Variants in PDCD6 observed in about 807,000 individuals in gnomAD.
PDCD6 encodes the protein programmed cell death 6, also known as programmed cell death protein 6.
PDCD6 carries 12 observed loss-of-function variants against 28.3 expected under a neutral mutation model. The ratio of observed to expected loss-of-function variants is 0.42; its 90% CI spans 0.27 to 0.69. The LOEUF is 0.69. Ranked by LOEUF, PDCD6 falls within the 30% of genes least tolerant of loss-of-function variation. The pLI is 0.22. For synonymous variants in PDCD6, 92 were observed against 108.0 expected, an observed-to-expected ratio of 0.85 and a Z score of 0.92; for missense variants, 226 against 269.9, an observed-to-expected ratio of 0.84 and a Z score of 1.14.
rs1741159285 is a variant in PDCD6 at position 314,729 on chromosome 5, T to C, written c.*214T>C. 1 of 649,832 alleles carries C rather than the reference T, an allele frequency of 1.5e-6. No individual in the cohort carries two copies. The highest frequency in any genetic ancestry group is 1.8e-5 in the African/African-American group (1 of 56,214). The allele number at this position is 649,832 out of a possible 1,614,324, so 40.3% of individuals were successfully genotyped here. On this transcript the variant is annotated 3_prime_UTR_variant, in exon 6 of 6. Coordinates refer to ENST00000264933, the MANE Select transcript of PDCD6 (RefSeq NM_013232.4). Reference sequence around the variant, plus strand: ...GTTCTAATGCAGACATTGGATTTGGTGACTGTCTCATTGTGCCATGAGGTA... The same window carrying C: ...GTTCTAATGCAGACATTGGATTTGGCGACTGTCTCATTGTGCCATGAGGTA...
At chr5:290,119 C>A (rs1241420291) in intron 2 of PDCD6, 1 of 1,578,204 alleles carries the variant, frequency 6.3e-7, no homozygotes, top group East Asian at 2.2e-5. Context: ...GTTGGGAGGA[C>A]CTCTTGGCTC....
chr5:280,786 G>T (rs540143189), intron 2 of PDCD6, among the ~76,000 whole-genome samples: 1 of 148,532 alleles, frequency 6.7e-6, no homozygotes, highest in East Asian at 2.0e-4. Context: ...GGGCAGGGCC[G>T]TGCTGGGCAC....
chr5:302,036 A>G (rs1211268492), intron 2 of PDCD6, among the ~76,000 whole-genome samples: 1 of 132,386 alleles, frequency 7.6e-6, no homozygotes, highest in Non-Finnish European at 1.6e-5. Flanking sequence ...GCTTCCCTGC[A>G]TAACTGCTGG....
intron 2 of PDCD6, chr5:288,992 A>C: frequency 8.0e-7 from 1 of 1,255,084 alleles, no homozygotes; most frequent in African/African-American, 1.5e-5. Flanking sequence ...CTTCGTTTTC[A>C]TTACCTTCGG....
intron 2 of PDCD6, among the ~76,000 whole-genome samples, chr5:280,065 G>A (rs1277646000): frequency 6.6e-6 from 1 of 151,052 alleles, no homozygotes; most frequent in Non-Finnish European, 1.5e-5. Context: ...AGTAAACCCC[G>A]ATAGAGAGGG....
At chr5:311,905 A>G in intron 5 of PDCD6, 2 of 161,940 alleles carry the variant, frequency 1.2e-5, no homozygotes, top group Non-Finnish European at 2.7e-5. Flanking sequence ...GGCTGATCTC[A>G]AACTCCTGAC....
intron 2 of PDCD6, among the ~76,000 whole-genome samples, chr5:295,607 C>T (rs12186901): frequency 0.36 from 50,160 of 138,946 alleles, 8,893 homozygotes; most frequent in Non-Finnish European, 0.46. Flanking sequence ...CATGATTCTC[C>T]GTGATGTTGC....
chr5:277,457 A>C (rs544764788), intron 2 of PDCD6, among the ~76,000 whole-genome samples: 2 of 151,778 alleles, frequency 1.3e-5, no homozygotes, highest in Non-Finnish European at 2.9e-5. Flanking sequence ...ACCCGCCACC[A>C]TGCCTGGCTA....
At position 311,391 on chromosome 5, in the gene PDCD6, ATCG is replaced by A; in HGVS notation, c.469_471del (p.Val157del). ...CTTCGACGACTTCATCCAGGGCTGC[ATCG>A]TCCTGCAGGTGACGGAATGGCTTCA... On this transcript the variant is annotated inframe_deletion, in exon 5 of 6. Transcript: ENST00000264933. 1 of 1,612,012 alleles carries A rather than the reference ATCG, an allele frequency of 6.2e-7. No homozygotes were observed. Among genetic ancestry groups the A allele is most frequent in the South Asian group, 1.1e-5 (1 of 90,994 alleles).
intron 2 of PDCD6, among the ~76,000 whole-genome samples, chr5:287,813 G>A (rs1739066525): frequency 6.6e-6 from 1 of 152,116 alleles, no homozygotes; most frequent in Admixed American, 6.5e-5. Flanking sequence ...CAGTACAATG[G>A]TGTTTCATAC....
At chr5:273,000 G>A in intron 2 of PDCD6, 1 of 676,420 alleles carries the variant, frequency 1.5e-6, no homozygotes, top group Middle Eastern at 2.9e-4. Flanking sequence ...TGAGCACAGG[G>A]AAAGGCTTCT....
intron 2 of PDCD6, among the ~76,000 whole-genome samples, chr5:298,699 CTCAGCTGCTCCCA>C: frequency 1.6e-5 from 2 of 124,270 alleles, no homozygotes; most frequent in Non-Finnish European, 1.7e-5. Context: ...GCTGCTCCCA[CTCAGCTGCTCCCA>C]CCCAGCTGCT....
chr5:291,095 T>A (rs1240234190), intron 2 of PDCD6, among the ~76,000 whole-genome samples: 4 of 152,090 alleles, frequency 2.6e-5, no homozygotes, highest in Non-Finnish European at 5.9e-5. Context: ...GAGTCCCGGG[T>A]CCCTTCCCTT....
intron 2 of PDCD6, among the ~76,000 whole-genome samples, chr5:287,436 C>T (rs576677503): frequency 8.5e-4 from 125 of 147,750 alleles, no homozygotes; most frequent in African/African-American, 2.9e-3. Context: ...TCCTTTTTCT[C>T]TTACACAGTT....
intron 2 of PDCD6, among the ~76,000 whole-genome samples, chr5:273,716 A>T (rs1737993557): frequency 6.6e-6 from 1 of 152,136 alleles, no homozygotes. Flanking sequence ...ATTCAGCCTT[A>T]CTGCCTAATG....
At chr5:303,924 G>A (rs62329994) in intron 2 of PDCD6, among the ~76,000 whole-genome samples, 21,794 of 148,660 alleles carry the variant, frequency 0.15, 2,446 homozygotes, top group African/African-American at 0.41. Context: ...GTCCAGCCGC[G>A]ATGACTGTGG....
chr5:307,610 G>A lies in PDCD6; in HGVS notation c.367+850G>A, dbSNP rs920592167. ...CAGAGGAACAACGGGCATGTTTGGGGCCAGCCTGAGGCTGTTGGTGGCTGC... is the reference window on the plus strand; with the variant it reads ...CAGAGGAACAACGGGCATGTTTGGGACCAGCCTGAGGCTGTTGGTGGCTGC... On this transcript the variant is annotated intron_variant, in intron 4 of 5. Coordinates refer to ENST00000264933, the MANE Select transcript of PDCD6 (RefSeq NM_013232.4). The surrounding 1 kb of genome is among the most constrained non-coding windows in gnomAD (Gnocchi z 6.1). Among the ~76,000 whole-genome samples the A allele has an allele frequency of 1.2e-4, 18 of 152,144 alleles. No individual in the cohort carries two copies. Among genetic ancestry groups the A allele is most frequent in the African/African-American group, 4.1e-4 (17 of 41,434 alleles).
Position 307,626 on chromosome 5 carries a change from T to C in PDCD6, c.367+866T>C, listed in dbSNP as rs1347509563. 6.6e-6 allele frequency among the ~76,000 whole-genome samples: 1 copy of C among 152,194 alleles called. No individual in the cohort carries two copies. The highest frequency in any genetic ancestry group is 2.4e-5 in the African/African-American group (1 of 41,444). ...ATGTTTGGGGCCAGCCTGAGGCTGT[T>C]GGTGGCTGCACCGAGATTCTAATCC... On this transcript the variant is annotated intron_variant, in intron 4 of 5. Coordinates refer to ENST00000264933, the MANE Select transcript of PDCD6 (RefSeq NM_013232.4). The surrounding 1 kb of genome is among the most constrained non-coding windows in gnomAD (Gnocchi z 6.1).
At chr5:292,820 G>T (rs1739391348) in intron 2 of PDCD6, among the ~76,000 whole-genome samples, 1 of 152,138 alleles carries the variant, frequency 6.6e-6, no homozygotes, top group Non-Finnish European at 1.5e-5. Flanking sequence ...AGGAACCATG[G>T]GATCTCCCTT....
Sources: allele counts gnomAD v4.1 joint callset (sites outside exome capture counted in the v4.1 genomes callset), GRCh38; gene constraint gnomAD v4.1.1; non-coding constraint Gnocchi (gnomAD v3.1); transcripts MANE v1.5; gene names NCBI Gene and HGNC (gene_info 2026-07-23, HGNC 2026-07-21).